Variants in SPRED1 observed in about 807,000 individuals in gnomAD.
SPRED1 encodes the protein sprouty related EVH1 domain containing 1.
In SPRED1, 18 loss-of-function variants were observed where a neutral mutation model predicts 52.3. The ratio of observed to expected loss-of-function variants is 0.34; its 90% CI spans 0.24 to 0.51. The LOEUF (loss-of-function observed/expected upper bound fraction) is 0.51. SPRED1 is among the 20% of genes least tolerant of loss of function. SPRED1 has a pLI of 0.97. For missense variants in SPRED1, 485 were observed against 551.0 expected (o/e 0.88, Z 1.20); for synonymous variants, 155 against 179.7 (o/e 0.86, Z 1.10).
In SPRED1 at chr15:38,252,848, C is replaced by CCCAGTGGCTGGAGGAGCAGCTCT. The variant is rs1894007436; in HGVS notation, c.-332_-310dup. ...CTGGCCGGACCCCGCTGCGCTCCAC[C>CCCAGTGGCTGGAGGAGCAGCTCT]CCAGTGGCTGGAGGAGCAGCTCTCC... On this transcript the variant is annotated 5_prime_UTR_variant, in exon 1 of 7. Transcript: ENST00000299084. 2.5e-6 allele frequency: 1 copy of CCCAGTGGCTGGAGGAGCAGCTCT among 405,408 alleles called. No individual in the cohort carries two copies. Among genetic ancestry groups the CCCAGTGGCTGGAGGAGCAGCTCT allele is most frequent in the African/African-American group, 2.1e-5 (1 of 47,782 alleles). The allele number at this position is 405,408 out of a possible 1,614,324, so 25.1% of individuals were successfully genotyped here.
chr15:38,326,505 A>C (rs1402728237), intron 4 of SPRED1: 1 of 152,236 alleles, frequency 6.6e-6, no homozygotes, highest in Non-Finnish European at 1.5e-5. Context: ...ATGTGAGTGT[A>C]AATTCCTTTG....
intron 2 of SPRED1, among the ~76,000 whole-genome samples, chr15:38,304,649 A>T (rs1246524238): frequency 1.3e-5 from 2 of 152,092 alleles, no homozygotes; most frequent in Non-Finnish European, 1.5e-5. Context: ...GAGCCTCATC[A>T]TCATTCTTGG....
At chr15:38,260,656 C>T (rs1894186825) in intron 1 of SPRED1, among the ~76,000 whole-genome samples, 1 of 152,064 alleles carries the variant, frequency 6.6e-6, no homozygotes, top group African/African-American at 2.4e-5. Flanking sequence ...GCATTATTAC[C>T]ATATCAAAAT....
intron 1 of SPRED1, 123 bp downstream of exon 1, chr15:38,253,340 T>C: frequency 6.8e-6 from 6 of 887,058 alleles, no homozygotes; most frequent in Non-Finnish European, 1.1e-5. Context: ...CGGTGCATCT[T>C]CTGGAGATAG....
intron 1 of SPRED1, among the ~76,000 whole-genome samples, chr15:38,283,125 A>C (rs527324862): frequency 1.3e-5 from 2 of 152,312 alleles, no homozygotes; most frequent in East Asian, 3.9e-4. Flanking sequence ...AAGCATGGCT[A>C]GGAGGCCACG....
intron 1 of SPRED1, among the ~76,000 whole-genome samples, chr15:38,279,441 A>G (rs577183500): frequency 6.6e-6 from 1 of 152,310 alleles, no homozygotes; most frequent in East Asian, 1.9e-4. Flanking sequence ...TTGTTTTCTT[A>G]ATCTTATCAG....
chr15:38,314,762 T>C (rs1168950284), intron 2 of SPRED1, among the ~76,000 whole-genome samples: 1 of 151,934 alleles, frequency 6.6e-6, no homozygotes, highest in Non-Finnish European at 1.5e-5. Flanking sequence ...ATTAACTATT[T>C]AGTCATACAA....
intron 2 of SPRED1, 145 bp downstream of exon 2, chr15:38,299,692 TACA>T (rs34384822): frequency 0.024 from 20,846 of 851,492 alleles, 375 homozygotes; most frequent in Non-Finnish European, 0.03. Flanking sequence ...GGCAGTGAAA[TACA>T]ACATTTTTTT....
At chr15:38,282,371 G>A (rs1173349925) in intron 1 of SPRED1, among the ~76,000 whole-genome samples, 1 of 151,830 alleles carries the variant, frequency 6.6e-6, no homozygotes, top group East Asian at 1.9e-4. Context: ...ACCTGGCGTG[G>A]TGGCAGGCAC....
At chr15:38,350,047 G>A (rs771479700) in intron 6 of SPRED1, among the ~76,000 whole-genome samples, 27 of 152,154 alleles carry the variant, frequency 1.8e-4, no homozygotes, top group Non-Finnish European at 2.2e-4. Context: ...GGTATTTTAC[G>A]TCATTGTTCA....
intron 2 of SPRED1, among the ~76,000 whole-genome samples, chr15:38,301,921 C>T (rs765177165): frequency 5.3e-5 from 8 of 151,110 alleles, no homozygotes; most frequent in Non-Finnish European, 8.8e-5. Context: ...TGTAAGTCTA[C>T]AGGGTTCCTC....
chr15:38,293,137 C>G (rs1007197858), intron 1 of SPRED1, among the ~76,000 whole-genome samples: 1 of 84,782 alleles, frequency 1.2e-5, no homozygotes, highest in Admixed American at 1.8e-4. Flanking sequence ...GTCTCGCTCT[C>G]TCACCAAGCT....
intron 1 of SPRED1, among the ~76,000 whole-genome samples, chr15:38,271,855 C>T (rs1241087247): frequency 2.0e-5 from 3 of 152,128 alleles, no homozygotes; most frequent in Non-Finnish European, 4.4e-5. Context: ...GAACCTGTCA[C>T]CCAGGTAGTA....
Position 38,355,648 on chromosome 15 carries a change from T to G in SPRED1, c.*3984T>G, listed in dbSNP as rs1048904617. The stretch of plus-strand genomic sequence containing the variant: ...TGGGTTTTTAATTGTAGCCCAAAGG[T>G]GCATTAAGCAAGTGTAACATTTTTT... On this transcript the variant is annotated 3_prime_UTR_variant, in exon 7 of 7. Coordinates refer to ENST00000299084, the MANE Select transcript of SPRED1 (RefSeq NM_152594.3). 1 of 152,202 alleles carries G rather than the reference T, an allele frequency of 6.6e-6. No individual in the cohort carries two copies. The highest frequency in any genetic ancestry group is 6.5e-5 in the Admixed American group (1 of 15,282). The allele number at this position is 152,202 out of a possible 1,614,324, so 9.4% of individuals were successfully genotyped here. A position where few individuals can be genotyped will look rare whatever the true frequency, so the allele number is the denominator to read the frequency against.
intron 5 of SPRED1, among the ~76,000 whole-genome samples, chr15:38,342,855 T>C (rs1335900891): frequency 6.6e-6 from 1 of 152,188 alleles, no homozygotes; most frequent in Non-Finnish European, 1.5e-5. Flanking sequence ...TCTTTAAATA[T>C]TGTTTGAAGC....
intron 1 of SPRED1, among the ~76,000 whole-genome samples, chr15:38,258,522 G>A (rs1367195980): frequency 6.6e-6 from 1 of 152,102 alleles, no homozygotes; most frequent in African/African-American, 2.4e-5. Context: ...CCTTGAGATA[G>A]TCTAAGAATG....
At chr15:38,298,682 T>A in intron 1 of SPRED1, 1 of 223,872 alleles carries the variant, frequency 4.5e-6, no homozygotes, top group Non-Finnish European at 9.0e-6. Flanking sequence ...GTATTTTGAT[T>A]ATCATGTTGA....
At chr15:38,314,391 C>A (rs1047452533) in intron 2 of SPRED1, among the ~76,000 whole-genome samples, 3 of 151,630 alleles carry the variant, frequency 2.0e-5, no homozygotes, top group Non-Finnish European at 4.4e-5. Flanking sequence ...TTCATTATAC[C>A]TTTTAGCCTA....
intron 2 of SPRED1, among the ~76,000 whole-genome samples, chr15:38,309,097 G>A (rs1895309809): frequency 6.6e-6 from 1 of 152,024 alleles, no homozygotes. Flanking sequence ...CTTTTCATTT[G>A]ATTATTTGTA....
Sources: allele counts gnomAD v4.1 joint callset (sites outside exome capture counted in the v4.1 genomes callset), GRCh38; gene constraint gnomAD v4.1.1; transcripts MANE v1.5; gene names NCBI Gene and HGNC (gene_info 2026-07-23, HGNC 2026-07-21).